The following PALLD variants were observed in gnomAD, a reference collection of about 807,000 sequenced individuals.
The protein encoded by PALLD is palladin.
Under a neutral mutation model 123.5 loss-of-function variants are expected in PALLD, and 61 were observed. The observed-to-expected ratio is 0.49, with a 90% CI of 0.40 to 0.61. The LOEUF is 0.61. PALLD is among the 20% of genes least tolerant of loss of function. The pLI is 0.00. For missense variants in PALLD, 1,273 were observed against 1,377.0 expected (o/e 0.92, Z 1.20); for synonymous variants, 465 against 496.4 (o/e 0.94, Z 0.84).
Position 168,577,672 on chromosome 4 carries a change from T to G in PALLD, c.908+65260T>G, listed in dbSNP as rs1769766741. Among the ~76,000 whole-genome samples, 7 of 152,016 alleles carry G rather than the reference T, an allele frequency of 4.6e-5. No homozygotes were observed. In the South Asian group the frequency reaches 1.5e-3, roughly 31 times the overall value. On this transcript the variant is annotated intron_variant, in intron 2 of 21. Transcript: ENST00000505667. ...CTGAAAGAAAGGCTAAATTGACCAT[T>G]ACTCAAAAGAGGCCACCAGTTCCAG...
intron 8 of PALLD, among the ~76,000 whole-genome samples, chr4:168,692,707 G>C (rs556768743): frequency 1.3e-5 from 2 of 152,206 alleles, no homozygotes; most frequent in African/African-American, 2.4e-5. Context: ...AATGCTTTGT[G>C]TATAAATAAG....
intron 2 of PALLD, among the ~76,000 whole-genome samples, chr4:168,609,778 G>A (rs1773556937): frequency 6.6e-6 from 1 of 152,192 alleles, no homozygotes; most frequent in Non-Finnish European, 1.5e-5. Context: ...GTTTCTATGT[G>A]CTTCCTTAAT....
intron 10 of PALLD, among the ~76,000 whole-genome samples, chr4:168,736,659 T>G (rs1787785022): frequency 6.6e-6 from 1 of 152,092 alleles, no homozygotes; most frequent in South Asian, 2.1e-4. Context: ...AGGCCCTAGG[T>G]GCAAAGGATC....
intron 1 of PALLD, among the ~76,000 whole-genome samples, chr4:168,508,920 T>C (rs1451330697): frequency 6.6e-6 from 1 of 152,104 alleles, no homozygotes; most frequent in Non-Finnish European, 1.5e-5. Context: ...GGGCCAATTG[T>C]ACTTCAGAGC....
chr4:168,534,535 C>T (rs1289446905), intron 2 of PALLD, among the ~76,000 whole-genome samples: 6 of 152,136 alleles, frequency 3.9e-5, no homozygotes, highest in African/African-American at 1.4e-4. Flanking sequence ...TGATACTTTT[C>T]TAATATGCAT....
At chr4:168,669,820 A>ACG (rs1780008715) in intron 3 of PALLD, among the ~76,000 whole-genome samples, 1 of 151,966 alleles carries the variant, frequency 6.6e-6, no homozygotes, top group Non-Finnish European at 1.5e-5. Flanking sequence ...ACACACACAC[A>ACG]CACAATCATT....
At position 168,853,699 on chromosome 4, in the gene PALLD, G is replaced by C. The variant is rs142735986; in HGVS notation, c.1965-37223G>C. On this transcript the variant is annotated intron_variant, in intron 10 of 21. Coordinates refer to ENST00000505667, the MANE Select transcript of PALLD (RefSeq NM_001166108.2). ...GGAGGGAGAAAAGAAGAGGCTACAGGGGGCGACCAGGCCTGGTGGGCCAGG... is the reference window on the plus strand; with the variant it reads ...GGAGGGAGAAAAGAAGAGGCTACAGCGGGCGACCAGGCCTGGTGGGCCAGG... Among the ~76,000 whole-genome samples the C allele has an allele frequency of 3.5e-3, 532 of 152,280 alleles. 5 individuals carry two copies. Among genetic ancestry groups the C allele is most frequent in the African/African-American group, 0.012 (504 of 41,552 alleles).
At chr4:168,925,176 A>G in intron 20 of PALLD, 57 bp from the exon 21 acceptor site, 1 of 1,575,038 alleles carries the variant, frequency 6.3e-7, no homozygotes, top group Non-Finnish European at 8.7e-7. Flanking sequence ...ATAAACAACT[A>G]TTGTGTTTTA....
chr4:168,508,812 G>A (rs1762264676), intron 1 of PALLD, among the ~76,000 whole-genome samples: 3 of 151,746 alleles, frequency 2.0e-5, no homozygotes, highest in South Asian at 4.2e-4. Flanking sequence ...TGTCTCTTCT[G>A]GATCCATGTT....
chr4:168,505,539 TAC>T (rs1761918728), intron 1 of PALLD, among the ~76,000 whole-genome samples: 1 of 152,240 alleles, frequency 6.6e-6, no homozygotes, highest in Admixed American at 6.5e-5. Context: ...GTTAGTTTGA[TAC>T]ATTGCTTAGG....
At chr4:168,663,201 T>G (rs911914427) in intron 2 of PALLD, among the ~76,000 whole-genome samples, 3 of 152,208 alleles carry the variant, frequency 2.0e-5, no homozygotes, top group African/African-American at 4.8e-5. Flanking sequence ...AGGAGATGAC[T>G]GTCATTGGAA....
chr4:168,924,542 T>A, intron 19 of PALLD, 122 bp downstream of exon 19: 1 of 1,021,608 alleles, frequency 9.8e-7, no homozygotes. Context: ...TGATTTTTGA[T>A]GAAATCAATC....
intron 2 of PALLD, among the ~76,000 whole-genome samples, chr4:168,624,961 A>G (rs1775097382): frequency 6.6e-6 from 1 of 152,166 alleles, no homozygotes; most frequent in Non-Finnish European, 1.5e-5. Context: ...AAGACTTGAT[A>G]ACATGAAGAA....
At chr4:168,672,135 G>T (rs1048407892) in intron 3 of PALLD, among the ~76,000 whole-genome samples, 1 of 152,076 alleles carries the variant, frequency 6.6e-6, no homozygotes, top group Non-Finnish European at 1.5e-5. Context: ...AATAATAATT[G>T]TACACATTCG....
chr4:168,697,115 C>G (rs1783204063), intron 8 of PALLD, among the ~76,000 whole-genome samples: 1 of 152,148 alleles, frequency 6.6e-6, no homozygotes, highest in African/African-American at 2.4e-5. Flanking sequence ...CTTAGGCCTT[C>G]TCAGCAGTCA....
intron 2 of PALLD, among the ~76,000 whole-genome samples, chr4:168,548,032 G>GCAAA (rs138888428): frequency 4.3e-4 from 65 of 150,982 alleles, no homozygotes; most frequent in Middle Eastern, 3.5e-3. Flanking sequence ...GCAACAAAGA[G>GCAAA]CAAACAAACA....
intron 8 of PALLD, among the ~76,000 whole-genome samples, chr4:168,692,718 G>T (rs929830946): frequency 6.6e-6 from 1 of 152,156 alleles, no homozygotes; most frequent in African/African-American, 2.4e-5. Context: ...TATAAATAAG[G>T]CTAAAATTTT....
chr4:168,635,603 G>C (rs539579750), intron 2 of PALLD, among the ~76,000 whole-genome samples: 2 of 152,298 alleles, frequency 1.3e-5, no homozygotes, highest in Admixed American at 1.3e-4. Flanking sequence ...GCTCCAACTT[G>C]CAATTCGGTG....
intron 14 of PALLD, among the ~76,000 whole-genome samples, chr4:168,899,271 C>A (rs965341581): frequency 5.0e-4 from 76 of 152,088 alleles, no homozygotes; most frequent in African/African-American, 1.8e-3. Flanking sequence ...TCTCTCCATA[C>A]AAACATATGG....
Sources: allele counts gnomAD v4.1 joint callset (sites outside exome capture counted in the v4.1 genomes callset), GRCh38; gene constraint gnomAD v4.1.1; transcripts MANE v1.5; gene names NCBI Gene and HGNC (gene_info 2026-07-23, HGNC 2026-07-21).